DOP1B: variants seen among roughly 807,000 people sequenced by gnomAD.
The protein encoded by DOP1B is protein DOP1B.
DOP1B carries 174 observed loss-of-function variants against 233.5 expected under a neutral mutation model. That is an observed-to-expected ratio of 0.75 (90% CI 0.66 to 0.85). The LOEUF (loss-of-function observed/expected upper bound fraction) is 0.85, where lower values mean the gene tolerates loss of function less well. DOP1B is among the 40% of genes least tolerant of loss of function. The pLI is 0.00. For missense variants in DOP1B, 2,652 were observed against 2,846.6 expected, an observed-to-expected ratio of 0.93 and a Z score of 1.56; for synonymous variants, 1,190 against 1,185.6, an observed-to-expected ratio of 1.00 and a Z score of -0.08.
chr21:36,203,457 AT>A (rs2066393046), intron 4 of DOP1B, among the ~76,000 whole-genome samples: 2 of 152,188 alleles, frequency 1.3e-5, no homozygotes, highest in Non-Finnish European at 2.9e-5. Flanking sequence ...AATCCCAGCT[AT>A]TTGGAAGACT....
intron 36 of DOP1B, 78 bp downstream of exon 36, chr21:36,292,311 C>G (rs1336919713): frequency 8.1e-7 from 1 of 1,240,224 alleles, no homozygotes; most frequent in Admixed American, 2.7e-5. Flanking sequence ...GGTTAGAGTG[C>G]AGTGGTGCGG....
chr21:36,163,985 C>G (rs1435613547), intron 1 of DOP1B, among the ~76,000 whole-genome samples: 2 of 152,236 alleles, frequency 1.3e-5, no homozygotes, highest in African/African-American at 4.8e-5. Context: ...AAGTCTGCCT[C>G]CTTTCCAACA....
intron 27 of DOP1B, among the ~76,000 whole-genome samples, chr21:36,274,652 G>A (rs2067329857): frequency 1.3e-5 from 2 of 152,036 alleles, no homozygotes; most frequent in South Asian, 4.1e-4. Context: ...ACAGGAAGGG[G>A]CAACAGGAGC....
chr21:36,205,798 T>C (rs1348702381), intron 4 of DOP1B, among the ~76,000 whole-genome samples: 1 of 151,484 alleles, frequency 6.6e-6, no homozygotes, highest in Admixed American at 6.6e-5. Context: ...TGAGCTCAGG[T>C]GTTCAAGACC....
At position 36,263,657 on chromosome 21, in the gene DOP1B, T is replaced by C. The variant is rs777315616; in HGVS notation, c.5420+7T>C. The stretch of plus-strand genomic sequence containing the variant: ...GGTATTTTCTGCTTCTCAGGTATCA[T>C]GTCACCACATTGTCATTGTGTAATA... On this transcript the variant is annotated splice_region_variant and intron_variant, in intron 25 of 36. Coordinates refer to ENST00000691173, the MANE Select transcript of DOP1B (RefSeq NM_001320714.2). The C allele has an allele frequency of 3.8e-5, 61 of 1,613,550 alleles. No individual in the cohort carries two copies. The South Asian group carries it at 5.7e-4, about 15-fold the overall frequency.
chr21:36,286,363 G>A (rs985803585), intron 32 of DOP1B, among the ~76,000 whole-genome samples: 1 of 152,064 alleles, frequency 6.6e-6, no homozygotes, highest in Non-Finnish European at 1.5e-5. Flanking sequence ...AGACAGGCGC[G>A]GTGGCTCATG....
In DOP1B at chr21:36,211,678, G is replaced by A. The variant is rs146221395; in HGVS notation, c.780+27G>A. ...TAAGTAATTTGTACTCTTCTGGTAA[G>A]TCACTGGTGTTTCCCAAGGGGTGGG... On this transcript the variant is annotated intron_variant, in intron 6 of 36. Coordinates refer to ENST00000691173, the MANE Select transcript of DOP1B (RefSeq NM_001320714.2). 653 of 1,606,892 alleles carry A rather than the reference G, an allele frequency of 4.1e-4. 3 individuals carry two copies. The highest frequency in any genetic ancestry group is 2.1e-3 in the Middle Eastern group (13 of 6,050).
In DOP1B at chr21:36,278,016, G is replaced by A; in HGVS notation, c.5754G>A (p.Glu1918=). 1 of 1,614,154 alleles carries A rather than the reference G, an allele frequency of 6.2e-7. No homozygotes were observed. Among genetic ancestry groups the A allele is most frequent in the Non-Finnish European group, 8.5e-7 (1 of 1,180,022 alleles). The change falls in exon 29 of 37, where the codon GAG becomes GAA. Residue 1918 remains glutamate (E), a synonymous_variant. Coordinates refer to ENST00000691173, the MANE Select transcript of DOP1B (RefSeq NM_001320714.2). ...SLLDMVYRSD[E]KEKAVPLISR... ...TGGACATGGTTTATCGAAGTGATGAGAAGGAGAAAGCTGTGCCGTTAATCT... is the reference window on the plus strand; with the variant it reads ...TGGACATGGTTTATCGAAGTGATGAAAAGGAGAAAGCTGTGCCGTTAATCT...
chr21:36,220,552 G>A (rs980192252), intron 10 of DOP1B, among the ~76,000 whole-genome samples: 2 of 152,108 alleles, frequency 1.3e-5, no homozygotes, highest in Non-Finnish European at 2.9e-5. Flanking sequence ...CCAGGCTGGA[G>A]TGCAGTGGCG....
chr21:36,215,657 G>A (rs1280763887), intron 9 of DOP1B, among the ~76,000 whole-genome samples: 6 of 150,488 alleles, frequency 4.0e-5, no homozygotes, highest in African/African-American at 7.3e-5. Context: ...CACCTGCCTC[G>A]GCCTCCCAAA....
At chr21:36,202,463 C>T (rs1413243237) in intron 4 of DOP1B, among the ~76,000 whole-genome samples, 7 of 152,146 alleles carry the variant, frequency 4.6e-5, no homozygotes, top group African/African-American at 1.7e-4. Context: ...CCTGTGGTGT[C>T]AGCTGTGACT....
intron 26 of DOP1B, among the ~76,000 whole-genome samples, chr21:36,267,105 C>T (rs752194657): frequency 8.5e-5 from 13 of 152,170 alleles, no homozygotes; most frequent in Admixed American, 1.3e-4. Flanking sequence ...ATAAAATTCT[C>T]GGATGTCAAG....
chr21:36,276,796 A>G (rs570463327), intron 27 of DOP1B, among the ~76,000 whole-genome samples: 6 of 149,962 alleles, frequency 4.0e-5, no homozygotes, highest in Middle Eastern at 3.4e-3. Context: ...AGCCGAGATC[A>G]CACCACTGCA....
rs369131737 is a variant in DOP1B, at chr21:36,192,391, C to CTTT, written c.139-6666_139-6664dup. The stretch of plus-strand genomic sequence containing the variant: ...AAACTACCAAAAACTAATTTTCATT[C>CTTT]TTTTTTTTTTTTTTTGAGACAAGAG... On this transcript the variant is annotated intron_variant, in intron 2 of 36. Transcript: ENST00000691173. Among the ~76,000 whole-genome samples the CTTT allele has an allele frequency of 1.3e-3, 180 of 136,830 alleles. 1 individual carries two copies. Among genetic ancestry groups the CTTT allele is most frequent in the African/African-American group, 3.4e-3 (127 of 37,296 alleles). The allele number at this position is 136,830 out of a possible 152,430, so 89.8% of individuals were successfully genotyped here. A position where few individuals can be genotyped will look rare whatever the true frequency, so the allele number is the denominator to read the frequency against.
At chr21:36,169,690 G>T in intron 2 of DOP1B, 1 of 897,244 alleles carries the variant, frequency 1.1e-6, no homozygotes, top group Non-Finnish European at 1.9e-6. Flanking sequence ...TCTGGGTGTG[G>T]GCAGCGAGGC....
At position 36,230,745 on chromosome 21, in the gene DOP1B, G is replaced by A. The variant is rs1229440486; in HGVS notation, c.1961G>A (p.Ser654Asn). The A allele has an allele frequency of 6.2e-7, 1 of 1,614,078 alleles. No homozygotes were observed. The highest frequency in any genetic ancestry group is 1.3e-5 in the African/African-American group (1 of 74,928). Residue 654 changes from serine to asparagine, a missense_variant, in exon 14 of 37, where the codon AGC becomes AAC. Coordinates refer to ENST00000691173, the MANE Select transcript of DOP1B (RefSeq NM_001320714.2). ...CAGCTGACAGCGTCAGGAGAAGAAA[G>A]CAAGTCCGAGGAGCCTGCAGGGAAG... is the stretch of plus-strand genomic sequence containing the variant. The part of the protein sequence containing the change: ...GVQLTASGEE[S>N]KSEEPAGKRD...
intron 15 of DOP1B, 39 bp from the exon 16 acceptor site, chr21:36,237,223 T>C (rs1314443501): frequency 6.2e-7 from 1 of 1,613,792 alleles, no homozygotes; most frequent in Admixed American, 1.7e-5. Context: ...TTGCCTGTGT[T>C]GACCTGGTCC....
intron 24 of DOP1B, chr21:36,261,043 A>G: frequency 9.1e-7 from 1 of 1,100,694 alleles, no homozygotes; most frequent in African/African-American, 1.6e-5. Flanking sequence ...AACCACATAT[A>G]GGGAAGTGTT....
At chr21:36,272,104 A>G (rs560183135) in intron 27 of DOP1B, among the ~76,000 whole-genome samples, 12 of 152,170 alleles carry the variant, frequency 7.9e-5, no homozygotes, top group African/African-American at 2.7e-4. Flanking sequence ...GGAACAAGAA[A>G]CTACATTTCA....
Sources: gnomAD v4.1 joint callset for allele counts (sites outside exome capture counted in the v4.1 genomes callset) on GRCh38, gnomAD v4.1.1 for gene constraint, MANE v1.5 for transcripts, NCBI Gene and HGNC (gene_info 2026-07-23, HGNC 2026-07-21) for gene names.